The following EPB41 variants were observed in gnomAD, a reference collection of about 807,000 sequenced individuals.
EPB41 encodes erythrocyte membrane protein band 4.1, also known as protein 4.1.
EPB41 carries 65 observed loss-of-function variants against 108.0 expected under a neutral mutation model. That is an observed-to-expected ratio of 0.60 (90% confidence interval 0.49 to 0.74). The LOEUF (loss-of-function observed/expected upper bound fraction) is 0.74, where lower values mean the gene tolerates loss of function less well. Ranked by LOEUF, EPB41 falls within the 30% of genes least tolerant of loss-of-function variation. The pLI is 0.00. For synonymous variants in EPB41, 336 were observed against 358.9 expected (o/e 0.94, Z 0.72); for missense variants, 875 against 1,037.0 (o/e 0.84, Z 2.15).
Position 28,990,910 on chromosome 1 carries a change from G to A in EPB41, c.469-2420G>A, listed in dbSNP as rs1270375140. ...ATCTCATTCATTAAGATTTAATTCC[G>A]AATTGAAATAAATTGTCCGTAGGTT... On this transcript the variant is annotated intron_variant, in intron 2 of 20. Transcript: ENST00000343067. Among the ~76,000 whole-genome samples the A allele has an allele frequency of 3.3e-5, 5 of 152,072 alleles. No homozygotes were observed. In the South Asian group the frequency reaches 6.2e-4, roughly 19 times the overall value.
At chr1:28,962,881 T>G (rs1050430220) in intron 1 of EPB41, among the ~76,000 whole-genome samples, 2 of 152,194 alleles carry the variant, frequency 1.3e-5, no homozygotes, top group African/African-American at 4.8e-5. Context: ...ACCACAGATT[T>G]TTATGGTTTT....
chr1:29,018,259 T>A lies in EPB41; in HGVS notation c.941T>A (p.Val314Asp). 6.2e-7 allele frequency: 1 copy of A among 1,614,194 alleles called. No homozygotes were observed. The highest frequency in any genetic ancestry group is 8.5e-7 in the Non-Finnish European group (1 of 1,180,042). The change falls in exon 7 of 21, where the codon GTT (valine) becomes GAT (aspartate). Residue 314 changes from valine (V) to aspartate (D), a missense_variant. This residue lies in a region of EPB41 where 353 missense variants were observed against 393.2 expected (regional missense o/e 0.90). Coordinates refer to ENST00000343067, the MANE Select transcript of EPB41 (RefSeq NM_001376013.1). This position sits in a 1 kb window ranked among gnomAD's most constrained non-coding sequence, Gnocchi z 4.4. ...TGTCTTCAGCTTCGGCAGGACATAG[T>A]TGCAGGACGTCTGCCCTGTTCCTTT... ...YLCLQLRQDI[V>D]AGRLPCSFAT...
intron 1 of EPB41, among the ~76,000 whole-genome samples, chr1:28,950,077 A>G (rs561912564): frequency 2.6e-5 from 4 of 152,224 alleles, no homozygotes; most frequent in East Asian, 3.9e-4. Flanking sequence ...CTTCTTGTCT[A>G]TGCCTGTGAT....
At chr1:29,026,263 T>TAAAGTGGGA (rs1295179458) in intron 7 of EPB41, among the ~76,000 whole-genome samples, 2 of 152,198 alleles carry the variant, frequency 1.3e-5, no homozygotes, top group African/African-American at 4.8e-5. Flanking sequence ...GGTTTCTCAC[T>TAAAGTGGGA]GTCAGTAAAG....
intron 2 of EPB41, among the ~76,000 whole-genome samples, chr1:28,988,269 G>A (rs2095916900): frequency 6.6e-6 from 1 of 152,104 alleles, no homozygotes; most frequent in Non-Finnish European, 1.5e-5. Flanking sequence ...TCAACAACGG[G>A]GGGATAAAAA....
In EPB41 at chr1:29,047,253, CTT is replaced by C. The variant is rs755248112; in HGVS notation, c.1637-5836_1637-5835del. ...TGTTTCTTTTTTCTTTCTTTCTTTCCTTTTTTTTTTTTTTTTGGAGAGAGAGT... is the reference window on the plus strand; with the variant it reads ...TGTTTCTTTTTTCTTTCTTTCTTTCCTTTTTTTTTTTTTTGGAGAGAGAGT... On this transcript the variant is annotated intron_variant, in intron 11 of 20. Transcript: ENST00000343067. Among the ~76,000 whole-genome samples the C allele has an allele frequency of 1.7e-4, 17 of 100,494 alleles. 1 individual carries two copies. The highest frequency in any genetic ancestry group is 3.2e-4 in the South Asian group (1 of 3,172). 65.9% of individuals were successfully genotyped at this position (100,494 alleles called of 152,430 possible). A position where few individuals can be genotyped will look rare whatever the true frequency, so the allele number is the denominator to read the frequency against.
At chr1:28,962,304 G>C (rs1330183249) in intron 1 of EPB41, among the ~76,000 whole-genome samples, 1 of 152,034 alleles carries the variant, frequency 6.6e-6, no homozygotes, top group Middle Eastern at 3.4e-3. Flanking sequence ...CAGGTGATCC[G>C]CCTGCCTCAG....
At chr1:29,021,638 A>C (rs963836204) in intron 7 of EPB41, among the ~76,000 whole-genome samples, 1 of 148,066 alleles carries the variant, frequency 6.8e-6, no homozygotes, top group Non-Finnish European at 1.5e-5. Flanking sequence ...GCTGGAGTGC[A>C]GTGGGGTGAT....
intron 20 of EPB41, among the ~76,000 whole-genome samples, chr1:29,116,253 GGAATT>G (rs981620454): frequency 6.7e-6 from 1 of 149,216 alleles, no homozygotes; most frequent in Non-Finnish European, 1.5e-5. Flanking sequence ...CCGGGTTCAA[GGAATT>G]CTGCCTTAGC....
chr1:29,040,372 C>T (rs1450184150), intron 11 of EPB41, among the ~76,000 whole-genome samples: 1 of 151,906 alleles, frequency 6.6e-6, no homozygotes, highest in Non-Finnish European at 1.5e-5. Context: ...CTCTGCCTAC[C>T]AAGGTTCAAG....
At chr1:28,894,144 A>G (rs1288781472) in intron 1 of EPB41, among the ~76,000 whole-genome samples, 2 of 152,186 alleles carry the variant, frequency 1.3e-5, no homozygotes, top group African/African-American at 4.8e-5. Flanking sequence ...TCTGCAAAAT[A>G]AGAATATGAA....
intron 17 of EPB41, among the ~76,000 whole-genome samples, chr1:29,108,397 C>G (rs1044930934): frequency 6.6e-6 from 1 of 151,976 alleles, no homozygotes; most frequent in African/African-American, 2.4e-5. Context: ...ATCTGCCCCC[C>G]TCGGTCTCCC....
intron 1 of EPB41, among the ~76,000 whole-genome samples, chr1:28,891,982 A>C (rs566590626): frequency 1.3e-3 from 202 of 150,472 alleles, no homozygotes; most frequent in African/African-American, 4.8e-3. Flanking sequence ...AATCCCAGCT[A>C]CTCGGGATGC....
Position 28,958,221 on chromosome 1 carries a change from G to T in EPB41, c.-7-29210G>T, listed in dbSNP as rs375510940. Among the ~76,000 whole-genome samples the T allele has an allele frequency of 2.1e-4, 32 of 152,300 alleles. No homozygotes were observed. In the South Asian group the frequency reaches 6.2e-3, roughly 30 times the overall value. The stretch of plus-strand genomic sequence containing the variant: ...AAAAATTAATGAGCCAGGCATGGTG[G>T]CTTGGTCCCTTGAGCTTAGGAGTTG... On this transcript the variant is annotated intron_variant, in intron 1 of 20. Transcript: ENST00000343067.
At chr1:29,067,523 C>T (rs1648831581) in intron 16 of EPB41, among the ~76,000 whole-genome samples, 2 of 128,678 alleles carry the variant, frequency 1.6e-5, no homozygotes, top group African/African-American at 3.0e-5. Context: ...AAAAAAAAGC[C>T]AGGCATGGTG....
At chr1:28,954,189 A>G (rs1022087230) in intron 1 of EPB41, among the ~76,000 whole-genome samples, 2 of 152,214 alleles carry the variant, frequency 1.3e-5, no homozygotes, top group Non-Finnish European at 1.5e-5. Flanking sequence ...TCATTTCAAA[A>G]TGTTAAAAGA....
At chr1:29,015,175 C>T (rs1270644629) in intron 5 of EPB41, among the ~76,000 whole-genome samples, 2 of 152,074 alleles carry the variant, frequency 1.3e-5, no homozygotes, top group African/African-American at 4.8e-5. Context: ...TAGCACAAAT[C>T]CTTAAGTGAT....
rs954392145 is a variant in EPB41 at position 29,112,402 on chromosome 1, A to G, written c.2450A>G (p.Glu817Gly). 1.9e-6 allele frequency: 3 copies of G among 1,613,746 alleles called. No individual in the cohort carries two copies. The African/African-American group carries it at 4.0e-5, about 22-fold the overall frequency. ...GGTGGGATTTCAGAGACACGTATTG[A>G]AAAGAGAATTGTGATCACAGGAGAT... ...VKGGISETRI[E>G]KRIVITGDAD... Residue 817 changes from glutamate (E) to glycine (G), a missense_variant, in exon 19 of 21, where the codon GAA (glutamate) becomes GGA (glycine). Coordinates refer to ENST00000343067, the MANE Select transcript of EPB41 (RefSeq NM_001376013.1).
At chr1:29,044,982 GT>G (rs1642734516) in intron 11 of EPB41, among the ~76,000 whole-genome samples, 1 of 152,146 alleles carries the variant, frequency 6.6e-6, no homozygotes, top group Admixed American at 6.6e-5. Flanking sequence ...ATTGATCTTT[GT>G]GTACCCTTGT....
Sources: allele counts gnomAD v4.1 joint callset (sites outside exome capture counted in the v4.1 genomes callset), GRCh38; gene constraint gnomAD v4.1.1; regional missense constraint gnomAD v4.1.1; non-coding constraint Gnocchi (gnomAD v3.1); transcripts MANE v1.5; gene names NCBI Gene and HGNC (gene_info 2026-07-23, HGNC 2026-07-21).